Variants in SAMD4A observed in about 807,000 individuals in gnomAD.
SAMD4A encodes the protein protein Smaug homolog 1.
A neutral mutation model predicts 81.3 loss-of-function variants in SAMD4A; 33 were observed. The ratio of observed to expected loss-of-function variants is 0.41; its 90% CI spans 0.31 to 0.54. The LOEUF (loss-of-function observed/expected upper bound fraction) is 0.54, where lower values mean the gene tolerates loss of function less well. Ranked by LOEUF, SAMD4A falls within the 20% of genes least tolerant of loss-of-function variation. The pLI is 0.37. For missense variants in SAMD4A, 854 were observed against 951.1 expected (o/e 0.90, Z 1.34); for synonymous variants, 389 against 382.1 (o/e 1.02, Z -0.21).
At chr14:54,735,659 C>A (rs2037673994) in intron 3 of SAMD4A, among the ~76,000 whole-genome samples, 1 of 152,212 alleles carries the variant, frequency 6.6e-6, no homozygotes, top group Admixed American at 6.5e-5. Flanking sequence ...CAGCAGCTTA[C>A]CCAGCCCACT....
At chr14:54,624,296 G>T (rs1176097492) in intron 2 of SAMD4A, among the ~76,000 whole-genome samples, 1 of 152,236 alleles carries the variant, frequency 6.6e-6, no homozygotes, top group African/African-American at 2.4e-5. Flanking sequence ...TTTCTATTAT[G>T]CCCTCTCCGG....
chr14:54,785,767 C>T lies in SAMD4A; in HGVS notation c.2128+1147C>T, dbSNP rs531007860. Among the ~76,000 whole-genome samples the T allele has an allele frequency of 2.0e-5, 3 of 152,350 alleles. No individual in the cohort carries two copies. The South Asian group carries it at 6.2e-4, about 32-fold the overall frequency. ...TCCTGAAACCAAATATGAAATAGATCAGTGCTCTGCATGGAGCAGAGTGGT... is the reference window on the plus strand; with the variant it reads ...TCCTGAAACCAAATATGAAATAGATTAGTGCTCTGCATGGAGCAGAGTGGT... On this transcript the variant is annotated intron_variant, in intron 12 of 12. Coordinates refer to ENST00000554335, the MANE Select transcript of SAMD4A (RefSeq NM_015589.6).
At chr14:54,707,845 A>G (rs2036896826) in intron 3 of SAMD4A, among the ~76,000 whole-genome samples, 1 of 152,166 alleles carries the variant, frequency 6.6e-6, no homozygotes, top group South Asian at 2.1e-4. Context: ...AGGAAGGCAG[A>G]CTTGCTAGGG....
chr14:54,566,547 G>T (rs1026960376), upstream of SAMD4A, among the ~76,000 whole-genome samples: 1 of 151,776 alleles, frequency 6.6e-6, no homozygotes, highest in African/African-American at 2.4e-5. Context: ...GCTGTCGTTG[G>T]GGGGCGTGTG....
intron 10 of SAMD4A, among the ~76,000 whole-genome samples, chr14:54,776,017 A>T (rs1326659947): frequency 2.5e-4 from 14 of 55,736 alleles, no homozygotes; most frequent in Admixed American, 2.4e-3. Flanking sequence ...AAGAATCTTA[A>T]AAAAAAAAAA....
chr14:54,712,290 C>T (rs1234862198), intron 3 of SAMD4A, among the ~76,000 whole-genome samples: 2 of 151,434 alleles, frequency 1.3e-5, no homozygotes, highest in Non-Finnish European at 2.9e-5. Context: ...AAAATTTCTT[C>T]CTCCCAAAAA....
In SAMD4A at chr14:54,760,186, G is replaced by A. The variant is rs866283168; in HGVS notation, c.1202G>A (p.Arg401His). 3.7e-6 allele frequency: 6 copies of A among 1,612,756 alleles called. No individual in the cohort carries two copies. Among genetic ancestry groups the A allele is most frequent in the Non-Finnish European group, 5.1e-6 (6 of 1,179,768 alleles). Residue 401 changes from arginine (R) to histidine (H), a missense_variant, in exon 7 of 13, where the codon CGC (arginine) becomes CAC (histidine). Transcript: ENST00000554335. ...GACATCATCGAGGGGGGCAGCCTGC[G>A]CATCCCGCTCCAGGAACTGCACCAG... ...ERDIIEGGSLRIPLQELHQMI... is the reference protein window; with the variant it reads ...ERDIIEGGSLHIPLQELHQMI...
chr14:54,776,680 C>A, intron 11 of SAMD4A, 140 bp downstream of exon 11: 1 of 1,074,470 alleles, frequency 9.3e-7, no homozygotes, highest in Non-Finnish European at 1.2e-6. Context: ...CTTTTTTAAA[C>A]TGTGCCTTGC....
intron 3 of SAMD4A, among the ~76,000 whole-genome samples, chr14:54,710,651 T>C (rs1434392776): frequency 6.6e-6 from 1 of 152,102 alleles, no homozygotes; most frequent in Non-Finnish European, 1.5e-5. Flanking sequence ...GCTTCCGTGG[T>C]CTCCACAGCC....
chr14:54,566,724 C>G (rs895114423), upstream of SAMD4A, among the ~76,000 whole-genome samples: 6 of 151,796 alleles, frequency 4.0e-5, no homozygotes, highest in Admixed American at 2.0e-4. Context: ...CCGTAGGCGG[C>G]GGCGGCAGGA....
At chr14:54,609,237 C>T (rs1366826273) in intron 2 of SAMD4A, among the ~76,000 whole-genome samples, 3 of 152,082 alleles carry the variant, frequency 2.0e-5, no homozygotes, top group Non-Finnish European at 4.4e-5. Context: ...ATGAGAGAGA[C>T]GTGATGTGAG....
At position 54,791,741 on chromosome 14, in the gene SAMD4A, T is replaced by G. The variant is rs745783344; in HGVS notation, c.*2797T>G. On this transcript the variant is annotated 3_prime_UTR_variant, in exon 13 of 13. Coordinates refer to ENST00000554335, the MANE Select transcript of SAMD4A (RefSeq NM_015589.6). ...GAGTCCTGTGTTGACTACAGGTATATAGCTCAATTTAAAAATCCTAAAGCA... is the reference window on the plus strand; with the variant it reads ...GAGTCCTGTGTTGACTACAGGTATAGAGCTCAATTTAAAAATCCTAAAGCA... 5 of 152,196 alleles carry G rather than the reference T, an allele frequency of 3.3e-5. No individual in the cohort carries two copies. The highest frequency in any genetic ancestry group is 6.5e-5 in the Admixed American group (1 of 15,276). 9.4% of individuals were successfully genotyped at this position (152,196 alleles called of 1,614,324 possible).
intron 12 of SAMD4A, among the ~76,000 whole-genome samples, chr14:54,786,609 CT>C (rs938590458): frequency 1.3e-5 from 2 of 152,162 alleles, no homozygotes; most frequent in African/African-American, 2.4e-5. Flanking sequence ...GGGTGGGGGA[CT>C]GACTCAGTCT....
intron 2 of SAMD4A, among the ~76,000 whole-genome samples, chr14:54,633,193 G>A (rs986325225): frequency 6.6e-6 from 1 of 152,112 alleles, no homozygotes; most frequent in Non-Finnish European, 1.5e-5. Context: ...TTTAGTTTGG[G>A]TGGTCAAGGA....
chr14:54,576,864 G>A (rs1439732460), intron 2 of SAMD4A, among the ~76,000 whole-genome samples: 1 of 152,200 alleles, frequency 6.6e-6, no homozygotes, highest in African/African-American at 2.4e-5. Context: ...GGAGATCTCT[G>A]GTGCTGTACA....
In SAMD4A at chr14:54,788,895, G is replaced by A. The variant is rs139568025; in HGVS notation, c.2129-21G>A. The A allele has an allele frequency of 6.2e-3, 9,992 of 1,614,130 alleles. 155 individuals are homozygous for A. The highest frequency in any genetic ancestry group is 0.044 in the South Asian group (3,983 of 91,068). On this transcript the variant is annotated intron_variant, in intron 12 of 12. Transcript: ENST00000554335. The stretch of plus-strand genomic sequence containing the variant: ...ATTGTTTTGCTCACCTGTGCCCATC[G>A]TTTGCTGCTTTCTCTCCCAGACGGG...
chr14:54,789,207 G>T lies in SAMD4A; in HGVS notation c.*263G>T. On this transcript the variant is annotated 3_prime_UTR_variant, in exon 13 of 13. Transcript: ENST00000554335. Reference sequence around the variant, plus strand: ...GGGAGGGGTCTCTAGGGAATTATGAGACTGGGAGGGGGGTGGAGGGAATGC... The same window carrying T: ...GGGAGGGGTCTCTAGGGAATTATGATACTGGGAGGGGGGTGGAGGGAATGC... 2.3e-6 allele frequency: 1 copy of T among 438,546 alleles called. No individual in the cohort carries two copies. Among genetic ancestry groups the T allele is most frequent in the Non-Finnish European group, 4.2e-6 (1 of 237,632 alleles). The allele number at this position is 438,546 out of a possible 1,614,324, so 27.2% of individuals were successfully genotyped here.
intron 2 of SAMD4A, among the ~76,000 whole-genome samples, chr14:54,585,322 C>A (rs2033584986): frequency 6.6e-6 from 1 of 152,168 alleles, no homozygotes; most frequent in African/African-American, 2.4e-5. Flanking sequence ...GGTAAACATC[C>A]TTTAAAGCAC....
chr14:54,722,515 AGATACT>A (rs2037287789), intron 3 of SAMD4A, among the ~76,000 whole-genome samples: 1 of 152,222 alleles, frequency 6.6e-6, no homozygotes, highest in Admixed American at 6.5e-5. Flanking sequence ...TTTGTCAAAA[AGATACT>A]GATACGAAAA....
Sources: allele counts gnomAD v4.1 joint callset (sites outside exome capture counted in the v4.1 genomes callset), GRCh38; gene constraint gnomAD v4.1.1; transcripts MANE v1.5; gene names NCBI Gene and HGNC (gene_info 2026-07-23, HGNC 2026-07-21).